EIF4E2: variants seen among roughly 807,000 people sequenced by gnomAD.
EIF4E2 encodes eukaryotic translation initiation factor 4E family member 2.
Under a neutral mutation model 34.2 loss-of-function variants are expected in EIF4E2, and 13 were observed. The ratio of observed to expected loss-of-function variants is 0.38; its 90% CI spans 0.25 to 0.60. EIF4E2 has a LOEUF of 0.60. EIF4E2 is among the 20% of genes least tolerant of loss of function. The pLI is 0.62. For synonymous variants in EIF4E2, 100 were observed against 106.6 expected (o/e 0.94, Z 0.38); for missense variants, 222 against 315.1 (o/e 0.70, Z 2.24).
intron 3 of EIF4E2, 78 bp downstream of exon 3, chr2:232,558,096 C>T (rs1692588509): frequency 2.0e-6 from 3 of 1,528,324 alleles, no homozygotes; most frequent in East Asian, 4.6e-5. Flanking sequence ...TATTTACTTT[C>T]CTAGTAACCT....
intron 6 of EIF4E2, among the ~76,000 whole-genome samples, chr2:232,576,629 G>A (rs1187486054): frequency 1.3e-5 from 2 of 152,130 alleles, no homozygotes; most frequent in African/African-American, 4.8e-5. Flanking sequence ...CTGAAAGTAG[G>A]GGGGAAAAAT....
Position 232,567,107 on chromosome 2 carries a change from T to C in EIF4E2, c.558T>C (p.Thr186=), listed in dbSNP as rs138990648. ...ACATTATTTCAATATGGAATAAGAC[T>C]GCCAGTGACCAAGCAACCACAGCCC... is the stretch of plus-strand genomic sequence containing the variant. ...QEDIISIWNK[T]ASDQATTARI... Residue 186 remains threonine, a synonymous_variant, in exon 6 of 7, where the codon ACT becomes ACC. Transcript: ENST00000258416. 1.7e-4 allele frequency: 268 copies of C among 1,614,170 alleles called. 1 individual carries two copies. In the African/African-American group the frequency reaches 3.3e-3, roughly 20 times the overall value.
chr2:232,570,492 G>A (rs1452112034), downstream of EIF4E2, among the ~76,000 whole-genome samples: 3 of 152,180 alleles, frequency 2.0e-5, no homozygotes, highest in Non-Finnish European at 4.4e-5. Flanking sequence ...ACCTCCCAGA[G>A]TAAGAGTTGA....
At chr2:232,565,732 T>C (rs531557502) in intron 4 of EIF4E2, among the ~76,000 whole-genome samples, 1 of 152,248 alleles carries the variant, frequency 6.6e-6, no homozygotes, top group Non-Finnish European at 1.5e-5. Flanking sequence ...GCAGCACTTA[T>C]AATTATAGTA....
chr2:232,569,189 C>T lies in EIF4E2; in HGVS notation c.*172C>T. 7.0e-7 allele frequency: 1 copy of T among 1,437,384 alleles called. No homozygotes were observed. Among genetic ancestry groups the T allele is most frequent in the Non-Finnish European group, 9.1e-7 (1 of 1,098,086 alleles). 89.0% of individuals were successfully genotyped at this position (1,437,384 alleles called of 1,614,324 possible). On this transcript the variant is annotated 3_prime_UTR_variant, in exon 7 of 7. Transcript: ENST00000258416. ...GCAGCTACAACAACAGCTGAGATCA[C>T]TTAATAAATGGTGCTAAACTAGCTT...
chr2:232,564,142 A>G, intron 3 of EIF4E2, 105 bp from the exon 4 acceptor site: 1 of 675,054 alleles, frequency 1.5e-6, no homozygotes, highest in Admixed American at 2.9e-5. Flanking sequence ...AGCCTGTAGT[A>G]TAGTGTCTTC....
chr2:232,582,528 G>A (rs559611464), exon 7 of EIF4E2: 1 of 152,326 alleles, frequency 6.6e-6, no homozygotes, highest in South Asian at 2.1e-4. Context: ...GTGCATTCTG[G>A]TGTCCAGACA....
chr2:232,581,148 G>A lies in EIF4E2; in HGVS notation c.*205G>A, dbSNP rs1693351025. The A allele has an allele frequency of 2.8e-6, 2 of 704,806 alleles. No individual in the cohort carries two copies. Among genetic ancestry groups the A allele is most frequent in the Non-Finnish European group, 2.6e-6 (1 of 380,146 alleles). The allele number at this position is 704,806 out of a possible 1,614,324, so 43.7% of individuals were successfully genotyped here. A position where few individuals can be genotyped will look rare whatever the true frequency, so the allele number is the denominator to read the frequency against. On this transcript the variant is annotated 3_prime_UTR_variant, in exon 7 of 7. Transcript: ENST00000409098. This position sits in a 1 kb window ranked among gnomAD's most constrained non-coding sequence, Gnocchi z 5.2. ...TATAAAGCGGAAAAACGGAAAACGT[G>A]ACTTTGTAATAGACAAACATTGTTT...
intron 6 of EIF4E2, 117 bp downstream of exon 6, chr2:232,567,331 CAGGCCTTCCCTCT>C: frequency 6.6e-7 from 1 of 1,521,548 alleles, no homozygotes; most frequent in Non-Finnish European, 8.8e-7. Context: ...AGGGACAGAC[CAGGCCTTCCCTCT>C]AGGGCTTCTG....
At chr2:232,572,626 C>T (rs750256330), downstream of EIF4E2, among the ~76,000 whole-genome samples, 5 of 152,150 alleles carry the variant, frequency 3.3e-5, no homozygotes, top group Admixed American at 6.5e-5. Context: ...CTCAGCCTCC[C>T]GAAGTGATTA....
chr2:232,566,802 A>G lies in EIF4E2; in HGVS notation c.376-27A>G. 1 of 1,612,626 alleles carries G rather than the reference A, an allele frequency of 6.2e-7. No individual in the cohort carries two copies. The highest frequency in any genetic ancestry group is 8.5e-7 in the Non-Finnish European group (1 of 1,179,662). The stretch of plus-strand genomic sequence containing the variant: ...AAAAAGGCTGTGAAACCATATTTTA[A>G]CTTCAGTGCTTTCTGTCTTTTTACA... On this transcript the variant is annotated intron_variant, in intron 4 of 6. Transcript: ENST00000258416. The surrounding 1 kb of genome is among the most constrained non-coding windows in gnomAD (Gnocchi z 4.9).
chr2:232,573,936 T>C (rs1693151354), downstream of EIF4E2: 3 of 488,730 alleles, frequency 6.1e-6, no homozygotes, highest in African/African-American at 2.0e-5. Context: ...TGGAAGTGTT[T>C]TTGGTGACAG....
Position 232,581,053 on chromosome 2 carries a change from C to A in EIF4E2, c.*110C>A. On this transcript the variant is annotated 3_prime_UTR_variant, in exon 7 of 7. Coordinates refer to the EIF4E2 transcript ENST00000409098. The surrounding 1 kb of genome is among the most constrained non-coding windows in gnomAD (Gnocchi z 5.2). ...GCTCACTGAAGGGACGTCCCTGAGCCGTGCGCTCTCCTTTTGCACTCATTC... is the reference window on the plus strand; with the variant it reads ...GCTCACTGAAGGGACGTCCCTGAGCAGTGCGCTCTCCTTTTGCACTCATTC... 1 of 1,071,660 alleles carries A rather than the reference C, an allele frequency of 9.3e-7. No homozygotes were observed. The highest frequency in any genetic ancestry group is 1.4e-6 in the Non-Finnish European group (1 of 710,206). The allele number at this position is 1,071,660 out of a possible 1,614,324, so 66.4% of individuals were successfully genotyped here.
At chr2:232,577,024 CTA>C (rs1345850303) in intron 6 of EIF4E2, among the ~76,000 whole-genome samples, 2 of 152,192 alleles carry the variant, frequency 1.3e-5, no homozygotes, top group South Asian at 4.1e-4. Context: ...GCCCTTTTAA[CTA>C]TGACTTCAGT....
chr2:232,568,419 T>C (rs1292194457), intron 6 of EIF4E2: 1 of 985,282 alleles, frequency 1.0e-6, no homozygotes, highest in Admixed American at 6.1e-5. Flanking sequence ...GTTGCTTGCC[T>C]TAGCAGTCCT....
downstream of EIF4E2, among the ~76,000 whole-genome samples, chr2:232,573,459 G>C (rs542254008): frequency 6.6e-6 from 1 of 152,162 alleles, no homozygotes; most frequent in East Asian, 1.9e-4. Context: ...GAGAAAACTT[G>C]AGTTTGAGCC....
At chr2:232,556,309 A>G (rs1173365463) in intron 1 of EIF4E2, 107 bp from the exon 2 acceptor site, 4 of 816,116 alleles carry the variant, frequency 4.9e-6, no homozygotes, top group Non-Finnish European at 7.9e-6. Context: ...CCTGAATTTG[A>G]GTGACTTTGG....
chr2:232,568,887 C>G, intron 6 of EIF4E2, 58 bp from the exon 7 acceptor site: 2 of 1,610,282 alleles, frequency 1.2e-6, no homozygotes, highest in Non-Finnish European at 1.7e-6. Context: ...ATGCTACTTT[C>G]CCTTGCGTCC....
chr2:232,559,797 T>C (rs1250102853), intron 3 of EIF4E2, among the ~76,000 whole-genome samples: 2 of 144,190 alleles, frequency 1.4e-5, no homozygotes, highest in African/African-American at 2.7e-5. Context: ...AGTTTAAAAT[T>C]AGCTGGCTTG....
Sources: gnomAD v4.1 joint callset for allele counts (sites outside exome capture counted in the v4.1 genomes callset) on GRCh38, gnomAD v4.1.1 for gene constraint, Gnocchi (gnomAD v3.1) non-coding constraint, MANE v1.5 for transcripts, NCBI Gene and HGNC (gene_info 2026-07-23, HGNC 2026-07-21) for gene names.